R3HDM1: variants seen among roughly 807,000 people sequenced by gnomAD.
R3HDM1 encodes R3H domain containing 1, also known as R3H domain-containing protein 1.
R3HDM1 carries 46 observed loss-of-function variants against 141.1 expected under a neutral mutation model. The ratio of observed to expected loss-of-function variants is 0.33; its 90% confidence interval spans 0.26 to 0.42. The LOEUF (loss-of-function observed/expected upper bound fraction) is 0.42, where lower values mean the gene tolerates loss of function less well. R3HDM1 is among the 10% of genes least tolerant of loss of function. The pLI, the probability that R3HDM1 is intolerant of heterozygous loss-of-function variation, is 1.00. For synonymous variants in R3HDM1, 435 were observed against 472.9 expected (o/e 0.92, Z 1.04); for missense variants, 1,184 against 1,368.3 (o/e 0.87, Z 2.12).
At chr2:135,536,519 C>T (rs1366732961) in intron 1 of R3HDM1, 4 of 921,052 alleles carry the variant, frequency 4.3e-6, no homozygotes, top group South Asian at 5.0e-5. Flanking sequence ...TCTACAACTC[C>T]CTATAACAAC....
Position 135,641,791 on chromosome 2 carries a change from G to T in R3HDM1, c.1474+1G>T. ...AGTATTCTGATCAACCCACAAACAG[G>T]TTGGTATCCAGAAAAAGGTGTTTCA... On this transcript the variant is annotated splice_donor_variant, in intron 15 of 26. Coordinates refer to ENST00000683871, the MANE Select transcript of R3HDM1 (RefSeq NM_001378107.1). LOFTEE classifies it high-confidence loss of function. 2 of 1,591,694 alleles carry T rather than the reference G, an allele frequency of 1.3e-6. No individual in the cohort carries two copies. Among genetic ancestry groups the T allele is most frequent in the Non-Finnish European group, 1.7e-6 (2 of 1,171,576 alleles).
At chr2:135,583,011 G>A (rs1707151495) in intron 1 of R3HDM1, among the ~76,000 whole-genome samples, 1 of 152,180 alleles carries the variant, frequency 6.6e-6, no homozygotes, top group South Asian at 2.1e-4. Flanking sequence ...TTAACATTTC[G>A]GCACATTTGC....
At chr2:135,559,779 T>A (rs1701452813) in intron 1 of R3HDM1, among the ~76,000 whole-genome samples, 1 of 152,362 alleles carries the variant, frequency 6.6e-6, no homozygotes, top group Non-Finnish European at 1.5e-5. Flanking sequence ...GTTTGAAGTA[T>A]GCCCTGGCAG....
In R3HDM1 at chr2:135,675,358, C is replaced by G. The variant is rs767615588; in HGVS notation, c.2179C>G (p.Gln727Glu). The change falls in exon 20 of 27, where the codon CAA (glutamine) becomes GAA (glutamate). Residue 727 changes from glutamine to glutamate, a missense_variant. Around this residue, in one of 5 missense-constraint regions of R3HDM1, gnomAD observed 563 missense variants for 562.0 expected, o/e 1.00. Transcript: ENST00000683871. Reference sequence around the variant, plus strand: ...TTATCAAGTTATACCCAACCAGCAGCAAAACTACCAAGGAATAGTTGGAGT... The same window carrying G: ...TTATCAAGTTATACCCAACCAGCAGGAAAACTACCAAGGAATAGTTGGAGT... ...TGYQVIPNQQ[Q>E]NYQGIVGVQQ... 1.1e-5 allele frequency: 17 copies of G among 1,613,860 alleles called. No homozygotes were observed. The African/African-American group carries it at 2.3e-4, about 22-fold the overall frequency.
At chr2:135,668,944 C>A in intron 19 of R3HDM1, 1 of 209,762 alleles carries the variant, frequency 4.8e-6, no homozygotes, top group Non-Finnish European at 8.3e-6. Flanking sequence ...TGGAGATTCA[C>A]TTGGAAATAC....
chr2:135,541,444 G>A (rs569411945), intron 1 of R3HDM1, among the ~76,000 whole-genome samples: 2 of 151,978 alleles, frequency 1.3e-5, no homozygotes, highest in African/African-American at 2.4e-5. Context: ...TCCTGACCTC[G>A]TGATCAGCCT....
At chr2:135,641,168 T>G (rs2063751827) in intron 14 of R3HDM1, among the ~76,000 whole-genome samples, 1 of 152,224 alleles carries the variant, frequency 6.6e-6, no homozygotes. Context: ...TACTAAATTC[T>G]TTTTCCTGGG....
intron 1 of R3HDM1, among the ~76,000 whole-genome samples, chr2:135,562,414 G>T (rs1036623629): frequency 2.0e-5 from 3 of 152,128 alleles, no homozygotes; most frequent in African/African-American, 7.2e-5. Flanking sequence ...TAGATGATAT[G>T]ACTTATTCTG....
At chr2:135,661,204 T>C in intron 18 of R3HDM1, 66 bp from the exon 19 acceptor site, 1 of 1,569,750 alleles carries the variant, frequency 6.4e-7, no homozygotes, top group Non-Finnish European at 8.7e-7. Context: ...ACTCTGATCT[T>C]CCTCACAGAA....
intron 18 of R3HDM1, among the ~76,000 whole-genome samples, chr2:135,658,906 G>A (rs1166640303): frequency 2.6e-5 from 4 of 151,910 alleles, no homozygotes; most frequent in Non-Finnish European, 5.9e-5. Context: ...CAGCATCATT[G>A]TCTTCCACCT....
chr2:135,636,082 C>A lies in R3HDM1; in HGVS notation c.808-6C>A. The A allele has an allele frequency of 6.2e-7, 1 of 1,612,250 alleles. No homozygotes were observed. The highest frequency in any genetic ancestry group is 1.1e-5 in the South Asian group (1 of 90,824). ...ATTTGCCTAAAAATTATCCTCTTTT[C>A]TGTAGATGAGAATACGTTTGAAAGA... On this transcript the variant is annotated splice_region_variant and splice_polypyrimidine_tract_variant and intron_variant, in intron 10 of 26. Coordinates refer to ENST00000683871, the MANE Select transcript of R3HDM1 (RefSeq NM_001378107.1).
chr2:135,590,371 TGG>T (rs2105060057), intron 1 of R3HDM1, among the ~76,000 whole-genome samples: 1 of 152,252 alleles, frequency 6.6e-6, no homozygotes, highest in African/African-American at 2.4e-5. Flanking sequence ...TTCAGAATGC[TGG>T]CTAAACCACA....
At chr2:135,555,240 TG>T (rs1700519499) in intron 1 of R3HDM1, among the ~76,000 whole-genome samples, 2 of 148,280 alleles carry the variant, frequency 1.3e-5, no homozygotes, top group Admixed American at 1.4e-4. Flanking sequence ...GAGATTGTAG[TG>T]AGCCGAGATC....
At chr2:135,715,783 T>C in intron 24 of R3HDM1, 89 bp downstream of exon 24, 3 of 1,472,990 alleles carry the variant, frequency 2.0e-6, no homozygotes, top group Non-Finnish European at 2.8e-6. Flanking sequence ...AATATTGCCT[T>C]TCTATTTTCC....
intron 1 of R3HDM1, among the ~76,000 whole-genome samples, chr2:135,571,507 G>T (rs1183191570): frequency 1.3e-5 from 2 of 151,406 alleles, no homozygotes; most frequent in Admixed American, 6.6e-5. Flanking sequence ...TTGTATTTTA[G>T]TAGAGACCAG....
chr2:135,645,909 G>A (rs775195634), intron 16 of R3HDM1, among the ~76,000 whole-genome samples: 1 of 152,158 alleles, frequency 6.6e-6, no homozygotes. Flanking sequence ...AACTGAGATA[G>A]GCTGCTCAGG....
chr2:135,561,311 G>A (rs1386928589), intron 1 of R3HDM1: 45 of 985,078 alleles, frequency 4.6e-5, no homozygotes, highest in Middle Eastern at 5.2e-4. Flanking sequence ...TTTTGCCTTC[G>A]GATAAGTTTT....
At chr2:135,534,242 T>G (rs1695555701) in intron 1 of R3HDM1, among the ~76,000 whole-genome samples, 1 of 152,216 alleles carries the variant, frequency 6.6e-6, no homozygotes, top group Non-Finnish European at 1.5e-5. Context: ...TCTTTTAAAT[T>G]TTATTTAGCT....
At chr2:135,711,803 A>C (rs2075669612) in intron 23 of R3HDM1, among the ~76,000 whole-genome samples, 1 of 152,074 alleles carries the variant, frequency 6.6e-6, no homozygotes, top group Non-Finnish European at 1.5e-5. Flanking sequence ...TACTAAAAAT[A>C]CAAAACTTAG....
Sources: allele counts gnomAD v4.1 joint callset (sites outside exome capture counted in the v4.1 genomes callset), GRCh38; gene constraint gnomAD v4.1.1; regional missense constraint gnomAD v4.1.1; transcripts MANE v1.5; gene names NCBI Gene and HGNC (gene_info 2026-07-23, HGNC 2026-07-21).